ANO2: variants seen among roughly 807,000 people sequenced by gnomAD.
ANO2 encodes anoctamin 2, also known as anoctamin-2.
ANO2 carries 101 observed loss-of-function variants against 124.2 expected under a neutral mutation model. The observed-to-expected ratio is 0.81, with a 90% CI of 0.69 to 0.96. The LOEUF (loss-of-function observed/expected upper bound fraction) is 0.96, where lower values mean the gene tolerates loss of function less well. Among genes scored for constraint, ANO2 ranks in the 40% least tolerant of loss-of-function variants. The probability of loss-of-function intolerance (pLI) is 0.00; values close to 1 mark genes in which losing one functional copy is unlikely to be tolerated. For synonymous variants in ANO2, 486 were observed against 482.5 expected, an observed-to-expected ratio of 1.01 and a Z score of -0.09; for missense variants, 1,293 against 1,274.5, an observed-to-expected ratio of 1.01 and a Z score of -0.22.
intron 14 of ANO2, among the ~76,000 whole-genome samples, chr12:5,671,492 G>T (rs887761597): frequency 5.9e-5 from 9 of 152,010 alleles, no homozygotes; most frequent in Non-Finnish European, 1.0e-4. Context: ...GGAACTGTGT[G>T]GGGGGTGGCG....
chr12:5,592,001 A>C (rs1479808622), intron 20 of ANO2, among the ~76,000 whole-genome samples: 1 of 152,220 alleles, frequency 6.6e-6, no homozygotes, highest in Non-Finnish European at 1.5e-5. Flanking sequence ...GAAAGGAATA[A>C]ATTAAAATCA....
intron 20 of ANO2, among the ~76,000 whole-genome samples, chr12:5,583,486 T>C (rs1487551002): frequency 6.6e-6 from 1 of 151,424 alleles, no homozygotes; most frequent in East Asian, 1.9e-4. Flanking sequence ...ACCCCGTCTC[T>C]ACTAAAAATA....
At position 5,624,036 on chromosome 12, in the gene ANO2, C is replaced by G. The variant is rs369174710; in HGVS notation, c.1817-8739G>C. On this transcript the variant is annotated intron_variant, in intron 16 of 24. Coordinates refer to ENST00000682330, the MANE Select transcript of ANO2 (RefSeq NM_001364791.2). ...AGCTGAAAGCCCCTGAACTGGGGAT[C>G]TAGAGGGTGTGCCTGAGATACTCCT... is the stretch of plus-strand genomic sequence containing the variant. Among the ~76,000 whole-genome samples, 8 of 152,240 alleles carry G rather than the reference C, an allele frequency of 5.3e-5. No homozygotes were observed. The East Asian group carries it at 1.2e-3, about 22-fold the overall frequency.
At chr12:5,915,456 C>T (rs1941323700) in intron 3 of ANO2, among the ~76,000 whole-genome samples, 1 of 146,302 alleles carries the variant, frequency 6.8e-6, no homozygotes. Context: ...AGTGAATTAT[C>T]TGCTATTCAA....
intron 3 of ANO2, among the ~76,000 whole-genome samples, chr12:5,920,190 G>A (rs545367554): frequency 6.6e-6 from 1 of 152,092 alleles, no homozygotes; most frequent in East Asian, 1.9e-4. Flanking sequence ...GACCAGAGGT[G>A]AGAGTATCTA....
At chr12:5,878,909 C>T (rs1938294173) in intron 3 of ANO2, among the ~76,000 whole-genome samples, 1 of 152,200 alleles carries the variant, frequency 6.6e-6, no homozygotes, top group Non-Finnish European at 1.5e-5. Flanking sequence ...TACCTTATAA[C>T]ATTTTATCCT....
At chr12:5,832,744 G>A in intron 4 of ANO2, 141 bp from the exon 5 acceptor site, 1 of 1,016,448 alleles carries the variant, frequency 9.8e-7, no homozygotes, top group South Asian at 1.7e-5. Flanking sequence ...ACAAGAAGGA[G>A]GGCCTTTCCC....
At chr12:5,819,141 G>A (rs1020050310) in intron 7 of ANO2, among the ~76,000 whole-genome samples, 90 of 152,280 alleles carry the variant, frequency 5.9e-4, no homozygotes, top group African/African-American at 2.0e-3. Flanking sequence ...AACAGTGATG[G>A]CCTCCCCTGA....
At position 5,769,619 on chromosome 12, in the gene ANO2, A is replaced by G. The variant is rs1003208488; in HGVS notation, c.1056-18649T>C. On this transcript the variant is annotated intron_variant, in intron 10 of 24. Transcript: ENST00000682330. The surrounding 1 kb of genome is among the most constrained non-coding windows in gnomAD (Gnocchi z 4.0). ...ATTCCAGGTCTCCCTACCTACCTGT[A>G]CATTCCTATCCGTGGGTGGTGGATG... is the stretch of plus-strand genomic sequence containing the variant. Among the ~76,000 whole-genome samples, 4 of 152,230 alleles carry G rather than the reference A, an allele frequency of 2.6e-5. No individual in the cohort carries two copies. The highest frequency in any genetic ancestry group is 5.9e-5 in the Non-Finnish European group (4 of 68,038).
In ANO2 at chr12:5,904,942, C is replaced by T. The variant is rs1940572142; in HGVS notation, c.534+16098G>A. On this transcript the variant is annotated intron_variant, in intron 3 of 24. Transcript: ENST00000682330. This position sits in a 1 kb window ranked among gnomAD's most constrained non-coding sequence, Gnocchi z 4.1. ...GGAACAAAATGATAAGAAGAGGATACTCTCAAGTTCAGAGGTGTTCTTCTC... is the reference window on the plus strand; with the variant it reads ...GGAACAAAATGATAAGAAGAGGATATTCTCAAGTTCAGAGGTGTTCTTCTC... Among the ~76,000 whole-genome samples, 1 of 152,202 alleles carries T rather than the reference C, an allele frequency of 6.6e-6. No individual in the cohort carries two copies. Among genetic ancestry groups the T allele is most frequent in the African/African-American group, 2.4e-5 (1 of 41,420 alleles).
At chr12:5,630,200 C>A (rs1271548870) in intron 16 of ANO2, among the ~76,000 whole-genome samples, 3 of 152,220 alleles carry the variant, frequency 2.0e-5, no homozygotes, top group Admixed American at 1.3e-4. Context: ...CGTATACTCA[C>A]AGCCTCCTCA....
intron 3 of ANO2, among the ~76,000 whole-genome samples, chr12:5,917,828 CA>C (rs1258631634): frequency 6.6e-6 from 1 of 152,138 alleles, no homozygotes; most frequent in Non-Finnish European, 1.5e-5. Context: ...CTCACCGTCC[CA>C]AAGTGCTGAG....
At chr12:5,825,108 C>A (rs989722500) in intron 7 of ANO2, among the ~76,000 whole-genome samples, 1 of 152,162 alleles carries the variant, frequency 6.6e-6, no homozygotes, top group African/African-American at 2.4e-5. Flanking sequence ...AATGTCTTAT[C>A]CACTATCATG....
chr12:5,903,674 T>TGTGTGTGTGTGG (rs1031011707), intron 3 of ANO2, among the ~76,000 whole-genome samples: 5 of 151,830 alleles, frequency 3.3e-5, no homozygotes, highest in African/African-American at 1.2e-4. Flanking sequence ...TGTGTGTGTG[T>TGTGTGTGTGTGG]GTGGGTGTAG....
chr12:5,840,556 A>G (rs975923509), intron 4 of ANO2, among the ~76,000 whole-genome samples: 1 of 152,172 alleles, frequency 6.6e-6, no homozygotes, highest in African/African-American at 2.4e-5. Context: ...AAGGTGCACA[A>G]ACATTGGGAG....
At chr12:5,853,468 A>G (rs1954987619) in intron 4 of ANO2, among the ~76,000 whole-genome samples, 2 of 152,202 alleles carry the variant, frequency 1.3e-5, no homozygotes, top group South Asian at 4.1e-4. Flanking sequence ...AAGTAGGTCA[A>G]ATTCCCAGAG....
intron 14 of ANO2, among the ~76,000 whole-genome samples, chr12:5,721,725 C>T (rs1950244862): frequency 6.6e-6 from 1 of 152,166 alleles, no homozygotes; most frequent in Admixed American, 6.5e-5. Flanking sequence ...CCACGCTGGT[C>T]TCAAACTCCT....
intron 14 of ANO2, among the ~76,000 whole-genome samples, chr12:5,669,192 G>T (rs1415393970): frequency 3.3e-5 from 5 of 152,120 alleles, no homozygotes; most frequent in African/African-American, 1.2e-4. Flanking sequence ...TTTTCCATTT[G>T]TTTGTGTCCT....
At chr12:5,874,251 A>G (rs1240053029) in intron 3 of ANO2, among the ~76,000 whole-genome samples, 5 of 152,212 alleles carry the variant, frequency 3.3e-5, no homozygotes, top group Non-Finnish European at 7.3e-5. Flanking sequence ...ACAAGGTAAG[A>G]GTCCCAGGGC....
Sources: gnomAD v4.1 joint callset for allele counts (sites outside exome capture counted in the v4.1 genomes callset) on GRCh38, gnomAD v4.1.1 for gene constraint, Gnocchi (gnomAD v3.1) non-coding constraint, MANE v1.5 for transcripts, NCBI Gene and HGNC (gene_info 2026-07-23, HGNC 2026-07-21) for gene names.